The following TTC24 variants were observed in gnomAD, a reference collection of about 807,000 sequenced individuals.
TTC24 encodes the protein tetratricopeptide repeat protein 24.
In TTC24, 54 loss-of-function variants were observed where a neutral mutation model predicts 63.3. That is an observed-to-expected ratio of 0.85 (90% CI 0.69 to 1.07). The LOEUF is 1.07. Among genes scored for constraint, TTC24 ranks in the 50% least tolerant of loss-of-function variants. The probability of loss-of-function intolerance (pLI) is 0.00; values close to 1 mark genes in which losing one functional copy is unlikely to be tolerated. For synonymous variants in TTC24, 276 were observed against 304.3 expected (o/e 0.91, Z 0.97); for missense variants, 680 against 730.5 (o/e 0.93, Z 0.80).
In TTC24 at chr1:156,583,484, C is replaced by A. The variant is rs1475862600; in HGVS notation, c.1152+34C>A. 1 of 1,504,174 alleles carries A rather than the reference C, an allele frequency of 6.6e-7. No homozygotes were observed. The allele number at this position is 1,504,174 out of a possible 1,614,324, so 93.2% of individuals were successfully genotyped here. A position where few individuals can be genotyped will look rare whatever the true frequency, so the allele number is the denominator to read the frequency against. On this transcript the variant is annotated intron_variant, in intron 5 of 10. Coordinates refer to ENST00000368236, the MANE Select transcript of TTC24 (RefSeq NM_001105669.4). This position sits in a 1 kb window ranked among gnomAD's most constrained non-coding sequence, Gnocchi z 4.0. ...CCGCACACCGGAATCCACCTCTCCC[C>A]TGCTATCCCTCTTCTGGCTGACATT...
intron 8 of TTC24, 57 bp downstream of exon 8, chr1:156,585,288 C>T (rs1251154008): frequency 1.5e-6 from 2 of 1,347,692 alleles, no homozygotes; most frequent in East Asian, 4.8e-5. Flanking sequence ...ATATGGCACT[C>T]CCACCCCCAC....
rs1414510621 is a variant in TTC24 at position 156,581,587 on chromosome 1, AC to A, written c.227del (p.Pro76LeufsTer97). 1.3e-6 allele frequency: 2 copies of A among 1,551,524 alleles called. No individual in the cohort carries two copies. Among genetic ancestry groups the A allele is most frequent in the Non-Finnish European group, 1.7e-6 (2 of 1,146,978 alleles). On this transcript the variant is annotated frameshift_variant, in exon 2 of 11. Transcript: ENST00000368236. LOFTEE classifies it high-confidence loss of function. ...CTCCAAGGCCCCACAAACCAGGGAT[AC>A]CCCTGTGCTCCAGGCCTGCGCCTTC... ...LASKAPQTRD[T>X]PVLQACAFNL...
chr1:156,582,186 T>C (rs1428650561), intron 2 of TTC24, 45 bp from the exon 3 acceptor site: 1 of 1,514,478 alleles, frequency 6.6e-7, no homozygotes, highest in Non-Finnish European at 8.9e-7. Flanking sequence ...ACCAGCCTCA[T>C]TTATATCTGG....
In TTC24 at chr1:156,586,558, C is replaced by G; in HGVS notation, c.*8C>G. The G allele has an allele frequency of 6.2e-7, 1 of 1,612,022 alleles. No homozygotes were observed. Among genetic ancestry groups the G allele is most frequent in the Non-Finnish European group, 8.5e-7 (1 of 1,178,902 alleles). On this transcript the variant is annotated 3_prime_UTR_variant, in exon 11 of 11. Transcript: ENST00000368236. ...ATCTGCACTATTGTGTGACCTCCCC[C>G]TGCCAGCCTCAGCCCTCATCCCTGA... is the stretch of plus-strand genomic sequence containing the variant.
In TTC24 at chr1:156,581,375, C is replaced by T. The variant is rs1557956024; in HGVS notation, c.11C>T (p.Pro4Leu). 6.7e-7 allele frequency: 1 copy of T among 1,501,990 alleles called. No homozygotes were observed. Among genetic ancestry groups the T allele is most frequent in the South Asian group, 1.3e-5 (1 of 76,106 alleles). 93.0% of individuals were successfully genotyped at this position (1,501,990 alleles called of 1,614,324 possible). ...CCCTTTGTCAGCCCTATGTCTTCCC[C>T]CAACCCTGAGGATGTGCCCCGGAGG... MSSPNPEDVPRRPE... is the reference protein window; with the variant it reads MSSLNPEDVPRRPE... Residue 4 changes from proline to leucine, a missense_variant, in exon 2 of 11, where the codon CCC (proline) becomes CTC (leucine). Coordinates refer to ENST00000368236, the MANE Select transcript of TTC24 (RefSeq NM_001105669.4).
At chr1:156,586,331 G>A in intron 10 of TTC24, 138 bp from the exon 11 acceptor site, 1 of 729,076 alleles carries the variant, frequency 1.4e-6, no homozygotes, top group Non-Finnish European at 2.3e-6. Flanking sequence ...TGAAGCTTAA[G>A]CCAACTCCCT....
Position 156,585,958 on chromosome 1 carries a change from C to A in TTC24, c.1580C>A (p.Pro527His). Residue 527 changes from proline to histidine, a missense_variant, in exon 10 of 11, where the codon CCC (proline) becomes CAC (histidine). Transcript: ENST00000368236. Reference protein sequence around the residue: ...LGKASIYSPGPRAHLPFVGPG... With the variant: ...LGKASIYSPGHRAHLPFVGPG... ...GTCCTTCTCCATCTAGGTCCAGGAC[C>A]CAGGGCCCATCTTCCATTTGTAGGT... 6.2e-7 allele frequency: 1 copy of A among 1,601,588 alleles called. No homozygotes were observed. Among genetic ancestry groups the A allele is most frequent in the East Asian group, 2.3e-5 (1 of 44,372 alleles).
chr1:156,581,520 C>A lies in TTC24; in HGVS notation c.156C>A (p.Asn52Lys). The A allele has an allele frequency of 6.4e-7, 1 of 1,551,452 alleles. No individual in the cohort carries two copies. Among genetic ancestry groups the A allele is most frequent in the Non-Finnish European group, 8.7e-7 (1 of 1,146,794 alleles). ...ATGGGGCCCTTCAGGCTGGCCAGAA[C>A]CATGAAGCCTTGAACAACTTCCAGA... is the stretch of plus-strand genomic sequence containing the variant. Reference protein sequence around the residue: ...AGHGALQAGQNHEALNNFQRA... With the variant: ...AGHGALQAGQKHEALNNFQRA... The change falls in exon 2 of 11, where the codon AAC (asparagine) becomes AAA (lysine). Residue 52 changes from asparagine to lysine, a missense_variant. Asn to Lys is a moderately conservative substitution (Grantham distance 94). Transcript: ENST00000368236.
Position 156,583,759 on chromosome 1 carries a change from G to A in TTC24, c.1153-38G>A, listed in dbSNP as rs1430968035. On this transcript the variant is annotated intron_variant, in intron 5 of 10. Coordinates refer to ENST00000368236, the MANE Select transcript of TTC24 (RefSeq NM_001105669.4). This position sits in a 1 kb window ranked among gnomAD's most constrained non-coding sequence, Gnocchi z 4.0. ...AACCCCCAGAGGACCATAAGGTCCAGGCATTCCCCATTACCCTATTATCCA... is the reference window on the plus strand; with the variant it reads ...AACCCCCAGAGGACCATAAGGTCCAAGCATTCCCCATTACCCTATTATCCA... 13 of 1,415,224 alleles carry A rather than the reference G, an allele frequency of 9.2e-6. No homozygotes were observed. The highest frequency in any genetic ancestry group is 1.3e-5 in the Non-Finnish European group (13 of 1,024,512). The allele number at this position is 1,415,224 out of a possible 1,614,324, so 87.7% of individuals were successfully genotyped here.
At position 156,583,798 on chromosome 1, in the gene TTC24, A is replaced by G. The variant is rs1374980012; in HGVS notation, c.1154A>G (p.Lys385Arg). The change falls in exon 6 of 11, where the codon AAG becomes AGG. Residue 385 changes from lysine (K) to arginine (R), a missense_variant and splice_region_variant. By Grantham distance (26) the Lys-to-Arg change is conservative (BLOSUM62 2). Transcript: ENST00000368236. The surrounding 1 kb of genome is among the most constrained non-coding windows in gnomAD (Gnocchi z 4.0). ...CCCTATTATCCACCCTCTTCCCAGAAGGAGCCAGATTCTGTGCGAGAACGG... is the reference window on the plus strand; with the variant it reads ...CCCTATTATCCACCCTCTTCCCAGAGGGAGCCAGATTCTGTGCGAGAACGG... ...YYKEALAQCQ[K>R]EPDSVRERLV... The G allele has an allele frequency of 6.3e-7, 1 of 1,581,852 alleles. No individual in the cohort carries two copies. Among genetic ancestry groups the G allele is most frequent in the African/African-American group, 1.3e-5 (1 of 74,252 alleles).
At chr1:156,582,563 G>T (rs758626248) in intron 3 of TTC24, 129 bp downstream of exon 3, 5 of 815,410 alleles carry the variant, frequency 6.1e-6, no homozygotes, top group East Asian at 2.7e-5. Flanking sequence ...CAGAACCAGT[G>T]GGGGAGAGCT....
At chr1:156,585,880 T>C in intron 9 of TTC24, 54 bp downstream of exon 9, 1 of 1,591,538 alleles carries the variant, frequency 6.3e-7, no homozygotes, top group East Asian at 2.2e-5. Flanking sequence ...CTCTCAGAGC[T>C]TTTTTCCACC....
Position 156,586,725 on chromosome 1 carries a change from G to A in TTC24, c.*175G>A, listed in dbSNP as rs1171568086. ...CCAAGGGCTTTGCAGGCTCGGCCCT[G>A]AGAGGTTCTGTTTGTTCCTCCTTGG... is the stretch of plus-strand genomic sequence containing the variant. On this transcript the variant is annotated 3_prime_UTR_variant, in exon 11 of 11. Transcript: ENST00000368236. 6.0e-6 allele frequency: 3 copies of A among 500,738 alleles called. No homozygotes were observed. Among genetic ancestry groups the A allele is most frequent in the Middle Eastern group, 2.9e-4 (1 of 3,506 alleles). 31.0% of individuals were successfully genotyped at this position (500,738 alleles called of 1,614,324 possible). A position where few individuals can be genotyped will look rare whatever the true frequency, so the allele number is the denominator to read the frequency against.
chr1:156,585,350 C>G, intron 8 of TTC24, 119 bp downstream of exon 8: 1 of 856,476 alleles, frequency 1.2e-6, no homozygotes, highest in Non-Finnish European at 1.8e-6. Context: ...TTCCTGTTGT[C>G]ATTTCTTTGA....
chr1:156,583,511 C>A lies in TTC24; in HGVS notation c.1152+61C>A. ...GCTATCCCTCTTCTGGCTGACATTC[C>A]TGCCTTCACTCCTTGTCTTCTCCCC... On this transcript the variant is annotated intron_variant, in intron 5 of 10. Coordinates refer to ENST00000368236, the MANE Select transcript of TTC24 (RefSeq NM_001105669.4). The surrounding 1 kb of genome is among the most constrained non-coding windows in gnomAD (Gnocchi z 4.0). The A allele has an allele frequency of 7.4e-7, 1 of 1,349,912 alleles. No homozygotes were observed. Among genetic ancestry groups the A allele is most frequent in the African/African-American group, 1.5e-5 (1 of 68,066 alleles). 83.6% of individuals were successfully genotyped at this position (1,349,912 alleles called of 1,614,324 possible).
intron 6 of TTC24, 60 bp from the exon 7 acceptor site, chr1:156,584,817 C>T: frequency 8.4e-7 from 1 of 1,190,378 alleles, no homozygotes; most frequent in Admixed American, 2.7e-5. Flanking sequence ...AGGGAGCACA[C>T]ACGTAGCTGG....
At chr1:156,584,079 G>A (rs1262177313) in intron 6 of TTC24, among the ~76,000 whole-genome samples, 184 bp downstream of exon 6, 1 of 152,202 alleles carries the variant, frequency 6.6e-6, no homozygotes, top group Non-Finnish European at 1.5e-5. Context: ...GTGGGGGACT[G>A]TGGCACGTCT....
Position 156,583,929 on chromosome 1 carries a change from G to A in TTC24, c.1251+34G>A, listed in dbSNP as rs1677079506. The stretch of plus-strand genomic sequence containing the variant: ...ACACCTGAGACAAGGAGATGGGGGT[G>A]GAGAGAGGTTACCCAGAGAAGGGGT... On this transcript the variant is annotated intron_variant, in intron 6 of 10. Transcript: ENST00000368236. This position sits in a 1 kb window ranked among gnomAD's most constrained non-coding sequence, Gnocchi z 4.0. 1 of 1,531,686 alleles carries A rather than the reference G, an allele frequency of 6.5e-7. No homozygotes were observed. Among genetic ancestry groups the A allele is most frequent in the Non-Finnish European group, 8.9e-7 (1 of 1,127,448 alleles). The allele number at this position is 1,531,686 out of a possible 1,614,324, so 94.9% of individuals were successfully genotyped here.
In TTC24 at chr1:156,586,704, G is replaced by T. The variant is rs1677185473; in HGVS notation, c.*154G>T. 1 of 598,594 alleles carries T rather than the reference G, an allele frequency of 1.7e-6. No homozygotes were observed. The highest frequency in any genetic ancestry group is 2.9e-5 in the East Asian group (1 of 35,066). 37.1% of individuals were successfully genotyped at this position (598,594 alleles called of 1,614,324 possible). A position where few individuals can be genotyped will look rare whatever the true frequency, so the allele number is the denominator to read the frequency against. On this transcript the variant is annotated 3_prime_UTR_variant, in exon 11 of 11. Transcript: ENST00000368236. ...GTGGACTCCTGAGGAGGCTGGCCAA[G>T]GGCTTTGCAGGCTCGGCCCTGAGAG...
Sources: gnomAD v4.1 joint callset for allele counts (sites outside exome capture counted in the v4.1 genomes callset) on GRCh38, gnomAD v4.1.1 for gene constraint, Gnocchi (gnomAD v3.1) non-coding constraint, MANE v1.5 for transcripts, NCBI Gene and HGNC (gene_info 2026-07-23, HGNC 2026-07-21) for gene names.